Variants in ERI1 observed in about 807,000 individuals in gnomAD.
ERI1 encodes the protein 3'-5' exoribonuclease 1.
In ERI1, 39 loss-of-function variants were observed where a neutral mutation model predicts 39.7. That is an observed-to-expected ratio of 0.98 (90% CI 0.76 to 1.28). ERI1 has a LOEUF of 1.28. Ranked by LOEUF, ERI1 falls within the 50% of genes most tolerant of loss-of-function variation. ERI1 has a pLI of 0.00. For missense variants in ERI1, 581 were observed against 416.9 expected (o/e 1.39, Z -3.43); for synonymous variants, 204 against 149.6 (o/e 1.36, Z -2.65).
At chr8:9,094,446 C>G (rs1162557707) in intron 3 of ERI1, among the ~76,000 whole-genome samples, 1 of 152,202 alleles carries the variant, frequency 6.6e-6, no homozygotes, top group Non-Finnish European at 1.5e-5. Context: ...AATCCACGTA[C>G]CTCTTTGATG....
intron 3 of ERI1, among the ~76,000 whole-genome samples, chr8:9,086,783 T>C (rs758214583): frequency 2.0e-5 from 3 of 152,238 alleles, no homozygotes; most frequent in Non-Finnish European, 4.4e-5. Flanking sequence ...CATGATGTTG[T>C]AAAAACATAC....
At chr8:9,067,175 C>T (rs1798904610) in intron 3 of ERI1, among the ~76,000 whole-genome samples, 1 of 152,046 alleles carries the variant, frequency 6.6e-6, no homozygotes, top group Non-Finnish European at 1.5e-5. Flanking sequence ...TATAAGCCCC[C>T]ATTATTGATT....
chr8:9,018,102 C>G (rs1817493736), intron 4 of ERI1, among the ~76,000 whole-genome samples, 195 bp from the exon 5 acceptor site: 1 of 152,034 alleles, frequency 6.6e-6, no homozygotes, highest in Admixed American at 6.5e-5. Flanking sequence ...GAAAGTAGTC[C>G]CAGTACTTGG....
chr8:9,011,646 G>A lies in ERI1; in HGVS notation c.392G>A (p.Cys131Tyr), dbSNP rs1816682911. Residue 131 changes from cysteine to tyrosine, a missense_variant, in exon 3 of 7, where the codon TGT (cysteine) becomes TAT (tyrosine). By Grantham distance (194) the Cys-to-Tyr change is radical. Coordinates refer to ENST00000250263, the MANE Select transcript of ERI1 (RefSeq NM_153332.4). ...NFADSYYDYICIIDFEATCEE... is the reference protein window; with the variant it reads ...NFADSYYDYIYIIDFEATCEE... ...GCTGACAGTTATTATGACTACATTT[G>A]TATTATTGACTTTGAAGCCACTTGT... 6.2e-7 allele frequency: 1 copy of A among 1,613,556 alleles called. No individual in the cohort carries two copies. Among genetic ancestry groups the A allele is most frequent in the Non-Finnish European group, 8.5e-7 (1 of 1,179,620 alleles).
At chr8:9,018,524 C>G (rs1817541698) in intron 5 of ERI1, 118 bp downstream of exon 5, 2 of 595,326 alleles carry the variant, frequency 3.4e-6, no homozygotes, top group South Asian at 2.4e-5. Context: ...AGTCTCACCC[C>G]ACAGGGAATA....
chr8:9,096,063 A>T (rs1224547396), intron 3 of ERI1, among the ~76,000 whole-genome samples: 1 of 152,132 alleles, frequency 6.6e-6, no homozygotes, highest in Non-Finnish European at 1.5e-5. Flanking sequence ...GCACTGTCTA[A>T]ATGTATTGCT....
chr8:9,073,068 C>T (rs1267293897), intron 3 of ERI1, among the ~76,000 whole-genome samples: 1 of 152,222 alleles, frequency 6.6e-6, no homozygotes, highest in Non-Finnish European at 1.5e-5. Flanking sequence ...ATTCACCACA[C>T]TCATCAGGGA....
chr8:9,038,904 C>T (rs1585250696), intron 3 of ERI1, among the ~76,000 whole-genome samples: 2 of 152,312 alleles, frequency 1.3e-5, no homozygotes, highest in East Asian at 3.9e-4. Flanking sequence ...AATTCTATAG[C>T]TTTACCTGAA....
chr8:9,041,001 A>G lies in ERI1; in HGVS notation n.299+20537A>G, dbSNP rs1585252579. 2.0e-5 allele frequency among the ~76,000 whole-genome samples: 3 copies of G among 152,342 alleles called. No individual in the cohort carries two copies. The South Asian group carries it at 6.2e-4, about 32-fold the overall frequency. On this transcript the variant is annotated intron_variant and non_coding_transcript_variant, in intron 3 of 3. Transcript: ENST00000518663. ...CTGAAATTGCATGCATACAAGGTATAGCGTAATGAGACCGTTTTCAGTGCA... is the reference window on the plus strand; with the variant it reads ...CTGAAATTGCATGCATACAAGGTATGGCGTAATGAGACCGTTTTCAGTGCA...
intron 3 of ERI1, among the ~76,000 whole-genome samples, chr8:9,051,245 C>A (rs372858562): frequency 5.3e-5 from 8 of 151,872 alleles, no homozygotes; most frequent in African/African-American, 1.9e-4. Flanking sequence ...TGAGGGACTG[C>A]ATCTGGTGAG....
chr8:9,046,017 C>A (rs1798164833), intron 3 of ERI1, among the ~76,000 whole-genome samples: 1 of 152,068 alleles, frequency 6.6e-6, no homozygotes, highest in Non-Finnish European at 1.5e-5. Context: ...GTCCCAGACC[C>A]CACTCAGAGA....
At chr8:9,069,113 C>G (rs904686517) in intron 3 of ERI1, among the ~76,000 whole-genome samples, 1 of 152,170 alleles carries the variant, frequency 6.6e-6, no homozygotes, top group Non-Finnish European at 1.5e-5. Context: ...GCCACCACAT[C>G]GGCCATTTTA....
At chr8:9,038,978 C>T (rs1797937838) in intron 3 of ERI1, among the ~76,000 whole-genome samples, 1 of 152,192 alleles carries the variant, frequency 6.6e-6, no homozygotes, top group East Asian at 1.9e-4. Flanking sequence ...GATGATAAAT[C>T]ATTCTTCAGC....
At chr8:9,053,580 A>C (rs1294663105) in intron 3 of ERI1, among the ~76,000 whole-genome samples, 1 of 152,182 alleles carries the variant, frequency 6.6e-6, no homozygotes, top group Non-Finnish European at 1.5e-5. Flanking sequence ...GTTGAGTTCT[A>C]TGAGTCACCG....
rs146326931 is a variant in ERI1 at position 9,021,489 on chromosome 8, C to G, written c.807+1025C>G. ...AGTTTCATGAGAAAAGGTGCTTTTCCTTACAGACTCTTCTGTTTTAACAGT... is the reference window on the plus strand; with the variant it reads ...AGTTTCATGAGAAAAGGTGCTTTTCGTTACAGACTCTTCTGTTTTAACAGT... On this transcript the variant is annotated intron_variant, in intron 6 of 6. Coordinates refer to ENST00000250263, the MANE Select transcript of ERI1 (RefSeq NM_153332.4). Among the ~76,000 whole-genome samples, 136 of 152,158 alleles carry G rather than the reference C, an allele frequency of 8.9e-4. 1 individual carries two copies. The highest frequency in any genetic ancestry group is 3.0e-3 in the African/African-American group (126 of 41,502).
At chr8:9,057,176 G>A (rs1479059496) in intron 3 of ERI1, among the ~76,000 whole-genome samples, 2 of 152,096 alleles carry the variant, frequency 1.3e-5, no homozygotes, top group African/African-American at 2.4e-5. Flanking sequence ...ACAGGGACTC[G>A]CTCTGTCGCC....
chr8:9,020,623 A>G (rs1368383351), intron 6 of ERI1, among the ~76,000 whole-genome samples, 159 bp downstream of exon 6: 1 of 152,178 alleles, frequency 6.6e-6, no homozygotes, highest in Non-Finnish European at 1.5e-5. Flanking sequence ...TTCAAATTAG[A>G]TAAGCCTTTT....
chr8:9,020,382 A>G lies in ERI1; in HGVS notation c.725A>G (p.Gln242Arg). 1 of 1,599,550 alleles carries G rather than the reference A, an allele frequency of 6.3e-7. No homozygotes were observed. Among genetic ancestry groups the G allele is most frequent in the Non-Finnish European group, 8.5e-7 (1 of 1,174,604 alleles). ...SWDMSKFLNI[Q>R]CQLSRLKYPP... is the part of the protein sequence containing the mutation. Reference sequence around the variant, plus strand: ...GATATGAGTAAGTTCTTGAACATTCAGTGTCAACTCAGCAGGCTCAAATAC... The same window carrying G: ...GATATGAGTAAGTTCTTGAACATTCGGTGTCAACTCAGCAGGCTCAAATAC... Residue 242 changes from glutamine (Q) to arginine (R), a missense_variant, in exon 6 of 7, where the codon CAG becomes CGG. Transcript: ENST00000250263.
At chr8:9,036,988 A>G (rs1225185217), downstream of ERI1, among the ~76,000 whole-genome samples, 1 of 152,208 alleles carries the variant, frequency 6.6e-6, no homozygotes, top group Non-Finnish European at 1.5e-5. Context: ...TTTATTGTCC[A>G]GTCACTTTAT....
Sources: allele counts gnomAD v4.1 joint callset (sites outside exome capture counted in the v4.1 genomes callset), GRCh38; gene constraint gnomAD v4.1.1; transcripts MANE v1.5; gene names NCBI Gene and HGNC (gene_info 2026-07-23, HGNC 2026-07-21).